The following PTBP3 variants were observed in gnomAD, a reference collection of about 807,000 sequenced individuals.
PTBP3 encodes the protein polypyrimidine tract-binding protein 3.
Under a neutral mutation model 58.7 loss-of-function variants are expected in PTBP3, and 20 were observed. The observed-to-expected ratio is 0.34, with a 90% CI of 0.24 to 0.50. The LOEUF (loss-of-function observed/expected upper bound fraction) is 0.50. PTBP3 is among the 20% of genes least tolerant of loss of function. PTBP3 has a pLI of 0.98. For missense variants in PTBP3, 509 were observed against 637.2 expected (o/e 0.80, Z 2.17); for synonymous variants, 185 against 219.8 (o/e 0.84, Z 1.40).
chr9:112,240,129 A>C (rs1457221005), intron 7 of PTBP3, among the ~76,000 whole-genome samples: 1 of 152,164 alleles, frequency 6.6e-6, no homozygotes, highest in Admixed American at 6.5e-5. Flanking sequence ...AAGAAAAAAG[A>C]TGGTATAGGG....
chr9:112,234,616 T>C (rs1564393989), intron 8 of PTBP3, among the ~76,000 whole-genome samples: 1 of 152,246 alleles, frequency 6.6e-6, no homozygotes, highest in Admixed American at 6.5e-5. Context: ...TACTGATTAC[T>C]GGAATTAAAA....
At chr9:112,359,010 T>C in the PTBP3 span, among the ~76,000 whole-genome samples, 7 of 152,260 alleles carry the variant, frequency 4.6e-5, no homozygotes, top group East Asian at 3.9e-4. Context: ...AAAATTTTTA[T>C]AATTTTTTGT....
At chr9:112,228,273 G>C (rs1335065312) in intron 11 of PTBP3, 107 bp downstream of exon 11, 1 of 684,610 alleles carries the variant, frequency 1.5e-6, no homozygotes, top group African/African-American at 1.8e-5. Flanking sequence ...ATCACAAGGA[G>C]GTGTTCTTTT....
chr9:112,312,815 G>A (rs1392154143), intron 1 of PTBP3, among the ~76,000 whole-genome samples: 2 of 152,034 alleles, frequency 1.3e-5, no homozygotes, highest in East Asian at 3.9e-4. Flanking sequence ...AGGCCAAGGT[G>A]GGCACATCAC....
intron 1 of PTBP3, among the ~76,000 whole-genome samples, chr9:112,314,653 T>A (rs1472125668): frequency 1.3e-5 from 2 of 151,936 alleles, no homozygotes; most frequent in Non-Finnish European, 2.9e-5. Flanking sequence ...CGAGACCCTG[T>A]CTCAAACAAA....
At chr9:112,294,676 T>C (rs1011016413) in intron 2 of PTBP3, among the ~76,000 whole-genome samples, 7 of 152,204 alleles carry the variant, frequency 4.6e-5, no homozygotes, top group Admixed American at 6.5e-5. Flanking sequence ...ACATAACAAG[T>C]TAACAAAACA....
intron 2 of PTBP3, among the ~76,000 whole-genome samples, chr9:112,281,707 T>G (rs1827874933): frequency 6.6e-6 from 1 of 152,160 alleles, no homozygotes; most frequent in East Asian, 1.9e-4. Context: ...ACTAATTTGA[T>G]TTTTTAAACA....
At chr9:112,258,780 T>A (rs547435769) in intron 5 of PTBP3, among the ~76,000 whole-genome samples, 2 of 152,108 alleles carry the variant, frequency 1.3e-5, no homozygotes, top group Non-Finnish European at 2.9e-5. Context: ...GGTGGAAGGA[T>A]CTCTTGAGCC....
chr9:112,309,020 G>A (rs1001164751), intron 1 of PTBP3, among the ~76,000 whole-genome samples: 3 of 152,118 alleles, frequency 2.0e-5, no homozygotes, highest in African/African-American at 4.8e-5. Flanking sequence ...CATTAAAGAC[G>A]TTGAAGTAAC....
chr9:112,333,374 G>A, intron 1 of PTBP3, 96 bp downstream of exon 1: 2 of 1,331,624 alleles, frequency 1.5e-6, no homozygotes, highest in Non-Finnish European at 9.8e-7. Context: ...CGCCGGCGCC[G>A]CGCACTGCTC....
chr9:112,251,143 C>T, intron 6 of PTBP3, 40 bp from the exon 7 acceptor site: 1 of 1,421,498 alleles, frequency 7.0e-7, no homozygotes, highest in East Asian at 2.6e-5. Flanking sequence ...GGCAAGACAA[C>T]AACACTGATA....
chr9:112,290,703 T>TACACACACACAC (rs1441556582), intron 2 of PTBP3, among the ~76,000 whole-genome samples: 184 of 64,582 alleles, frequency 2.8e-3, no homozygotes, highest in Non-Finnish European at 3.4e-3. Context: ...TATATATATA[T>TACACACACACAC]ATATACACAC....
intron 2 of PTBP3, among the ~76,000 whole-genome samples, chr9:112,287,597 T>G (rs567789726): frequency 5.3e-5 from 8 of 152,222 alleles, no homozygotes; most frequent in African/African-American, 1.9e-4. Context: ...CGCCTCGGCC[T>G]CCCAAAGTGC....
At chr9:112,324,564 C>T (rs1228725193) in intron 1 of PTBP3, among the ~76,000 whole-genome samples, 1 of 152,000 alleles carries the variant, frequency 6.6e-6, no homozygotes, top group South Asian at 2.1e-4. Flanking sequence ...GCACGAGAAT[C>T]GCTTGAACCT....
At chr9:112,379,114 G>A in the PTBP3 span, among the ~76,000 whole-genome samples, 2 of 152,172 alleles carry the variant, frequency 1.3e-5, no homozygotes, top group Admixed American at 6.5e-5. Flanking sequence ...ACTTGAACCC[G>A]GGAGGCGGAG....
At chr9:112,343,880 C>T in the PTBP3 span, among the ~76,000 whole-genome samples, 1 of 151,626 alleles carries the variant, frequency 6.6e-6, no homozygotes, top group Non-Finnish European at 1.5e-5. Flanking sequence ...ATGTTATTGG[C>T]CATTCATTGA....
Position 112,262,526 on chromosome 9 carries a change from T to A in PTBP3, c.425A>T (p.Asn142Ile). The change falls in exon 5 of 14, where the codon AAT (asparagine) becomes ATT (isoleucine). Residue 142 changes from asparagine (N) to isoleucine (I), a missense_variant. By Grantham distance (149) the Asn-to-Ile change is moderately radical. Transcript: ENST00000374257. ...CTGCCCAGGTAGGACTGTGCCTTCATTGGAAGGACCTCCAGAAAGGGCCAG... is the reference window on the plus strand; with the variant it reads ...CTGCCCAGGTAGGACTGTGCCTTCAATGGAAGGACCTCCAGAAAGGGCCAG... ...GSLALSGGPS[N>I]EGTVLPGQSP... The A allele has an allele frequency of 6.2e-7, 1 of 1,611,880 alleles. No homozygotes were observed. Among genetic ancestry groups the A allele is most frequent in the Non-Finnish European group, 8.5e-7 (1 of 1,179,230 alleles).
At position 112,223,436 on chromosome 9, in the gene PTBP3, A is replaced by C. The variant is rs1317553670; in HGVS notation, c.*415T>G. The C allele has an allele frequency of 3.3e-6, 3 of 916,932 alleles. No individual in the cohort carries two copies. Among genetic ancestry groups the C allele is most frequent in the Non-Finnish European group, 3.9e-6 (3 of 764,924 alleles). The allele number at this position is 916,932 out of a possible 1,614,324, so 56.8% of individuals were successfully genotyped here. A position where few individuals can be genotyped will look rare whatever the true frequency, so the allele number is the denominator to read the frequency against. ...AATAACTTGGTCATAAGTGATTTAA[A>C]TTACTTACATCAAGTAATTTTAGAA... On this transcript the variant is annotated 3_prime_UTR_variant, in exon 14 of 14. Transcript: ENST00000374257.
At chr9:112,335,015 T>C (rs1830542925), upstream of PTBP3, among the ~76,000 whole-genome samples, 1 of 152,236 alleles carries the variant, frequency 6.6e-6, no homozygotes, top group African/African-American at 2.4e-5. Context: ...GATGGAAATG[T>C]AGAATATCAA....
Sources: allele counts gnomAD v4.1 joint callset (sites outside exome capture counted in the v4.1 genomes callset), GRCh38; gene constraint gnomAD v4.1.1; transcripts MANE v1.5; gene names NCBI Gene and HGNC (gene_info 2026-07-23, HGNC 2026-07-21).